Variants in SAE1 observed in about 807,000 individuals in gnomAD.
SAE1 encodes SUMO1 activating enzyme subunit 1, also known as SUMO-activating enzyme subunit 1.
In SAE1, 11 loss-of-function variants were observed where a neutral mutation model predicts 40.6. The observed-to-expected ratio is 0.27, with a 90% CI of 0.17 to 0.45. The LOEUF (loss-of-function observed/expected upper bound fraction) is 0.45. Among genes scored for constraint, SAE1 ranks in the 20% least tolerant of loss-of-function variants. SAE1 has a pLI of 1.00. For missense variants in SAE1, 373 were observed against 427.3 expected (o/e 0.87, Z 1.12); for synonymous variants, 155 against 154.3 (o/e 1.00, Z -0.03).
chr19:47,203,727 A>G lies in SAE1; in HGVS notation c.935A>G (p.Gln312Arg), dbSNP rs778873170. 2 of 1,614,060 alleles carry G rather than the reference A, an allele frequency of 1.2e-6. No homozygotes were observed. The highest frequency in any genetic ancestry group is 1.7e-6 in the Non-Finnish European group (2 of 1,179,932). The change falls in exon 8 of 9, where the codon CAG becomes CGG. Residue 312 changes from glutamine to arginine, a missense_variant. Around this residue, in one of 3 missense-constraint regions of SAE1, gnomAD observed 351 missense variants for 390.6 expected, o/e 0.90. Transcript: ENST00000270225. ...GCGGTGGTTGGAGGGATTTTGGCAC[A>G]GGAAATTGTGAAGGTAAAACATCAC... ...VCAVVGGILA[Q>R]EIVKALSQRD...
At chr19:47,143,309 T>C (rs2058233698) in intron 1 of SAE1, among the ~76,000 whole-genome samples, 185 bp from the exon 2 acceptor site, 1 of 152,156 alleles carries the variant, frequency 6.6e-6, no homozygotes, top group African/African-American at 2.4e-5. Context: ...TTCACCGTGT[T>C]GGTCAGGCTG....
At chr19:47,202,679 C>T (rs746546255) in intron 7 of SAE1, among the ~76,000 whole-genome samples, 21 of 150,134 alleles carry the variant, frequency 1.4e-4, no homozygotes, top group Non-Finnish European at 4.4e-5. Context: ...TTTGGGAGGC[C>T]GAGGCGGGCG....
intron 6 of SAE1, among the ~76,000 whole-genome samples, chr19:47,190,346 T>A: frequency 9.4e-6 from 1 of 106,870 alleles, no homozygotes; most frequent in East Asian, 4.7e-4. Context: ...AACAGTGGTA[T>A]GTGTGCGTGT....
intron 6 of SAE1, among the ~76,000 whole-genome samples, chr19:47,184,432 T>C (rs2123284373): frequency 6.6e-6 from 1 of 152,262 alleles, no homozygotes; most frequent in African/African-American, 2.4e-5. Context: ...GTTTTTTAGA[T>C]GGAGTCTTGC....
intron 6 of SAE1, among the ~76,000 whole-genome samples, chr19:47,178,861 G>C (rs2058486570): frequency 6.6e-6 from 1 of 152,142 alleles, no homozygotes; most frequent in South Asian, 2.1e-4. Flanking sequence ...AACCCAAGTA[G>C]CTGTTCAATA....
intron 6 of SAE1, among the ~76,000 whole-genome samples, chr19:47,182,507 ACGCG>A (rs1308937901): frequency 9.4e-5 from 13 of 137,590 alleles, no homozygotes; most frequent in Admixed American, 5.5e-4. Flanking sequence ...GCGCGCACGC[ACGCG>A]CGCGCGCACA....
chr19:47,139,320 G>A (rs769669563), intron 1 of SAE1, among the ~76,000 whole-genome samples: 2 of 152,122 alleles, frequency 1.3e-5, no homozygotes, highest in Non-Finnish European at 2.9e-5. Flanking sequence ...GGGATTACAG[G>A]CGTGAGTCGC....
At chr19:47,182,647 A>T (rs1207957514) in intron 6 of SAE1, among the ~76,000 whole-genome samples, 1 of 152,144 alleles carries the variant, frequency 6.6e-6, no homozygotes, top group Non-Finnish European at 1.5e-5. Flanking sequence ...TCAGTGCCTT[A>T]CAGCAGAGAG....
At chr19:47,197,466 A>G (rs938938070) in intron 7 of SAE1, 89 bp downstream of exon 7, 2 of 1,216,496 alleles carry the variant, frequency 1.6e-6, no homozygotes, top group African/African-American at 3.1e-5. Context: ...TTTTATTAGA[A>G]ACCCTTCAGA....
Position 47,197,349 on chromosome 19 carries a change from C to A in SAE1, c.850C>A (p.Pro284Thr). The change falls in exon 7 of 9, where the codon CCT (proline) becomes ACT (threonine). Residue 284 changes from proline (P) to threonine (T), a missense_variant. By Grantham distance (38) the Pro-to-Thr change is conservative. Around this residue, in one of 3 missense-constraint regions of SAE1, gnomAD observed 351 missense variants for 390.6 expected, o/e 0.90. Transcript: ENST00000270225. ...NDVLDSLGIS[P>T]DLLPEDFVRY... ...TGTGCTTGACTCACTGGGTATTAGT[C>A]CTGACCTGCTTCCTGAGGACTTTGT... is the stretch of plus-strand genomic sequence containing the variant. 6.2e-7 allele frequency: 1 copy of A among 1,613,668 alleles called. No individual in the cohort carries two copies. Among genetic ancestry groups the A allele is most frequent in the Non-Finnish European group, 8.5e-7 (1 of 1,179,858 alleles).
chr19:47,202,689 G>A (rs545674017), intron 7 of SAE1, among the ~76,000 whole-genome samples: 7 of 151,160 alleles, frequency 4.6e-5, no homozygotes, highest in East Asian at 2.0e-4. Context: ...CGAGGCGGGC[G>A]GATCACGAGG....
chr19:47,144,286 A>G (rs2058241472), intron 2 of SAE1, among the ~76,000 whole-genome samples: 1 of 152,006 alleles, frequency 6.6e-6, no homozygotes, highest in South Asian at 2.1e-4. Context: ...GTGAGCTGAG[A>G]TGGCACCACT....
chr19:47,140,255 C>T (rs1279446014), intron 1 of SAE1, among the ~76,000 whole-genome samples: 3 of 151,662 alleles, frequency 2.0e-5, no homozygotes, highest in East Asian at 1.9e-4. Context: ...TACAGGCGCC[C>T]GCCACCATGC....
intron 5 of SAE1, among the ~76,000 whole-genome samples, chr19:47,156,342 G>A (rs1291129608): frequency 6.6e-6 from 1 of 151,664 alleles, no homozygotes; most frequent in African/African-American, 2.4e-5. Flanking sequence ...GCTGGGCAAG[G>A]TGGTGCGTTG....
chr19:47,154,052 A>G (rs1352414876), intron 4 of SAE1, among the ~76,000 whole-genome samples: 1 of 150,172 alleles, frequency 6.7e-6, no homozygotes, highest in African/African-American at 2.5e-5. Flanking sequence ...CGGCCTCCCA[A>G]AGTGCTGGGA....
At chr19:47,201,927 C>T (rs1489836498) in intron 7 of SAE1, among the ~76,000 whole-genome samples, 1 of 152,152 alleles carries the variant, frequency 6.6e-6, no homozygotes, top group Admixed American at 6.6e-5. Flanking sequence ...GCCACCGCAC[C>T]CAGCCCTAGT....
At chr19:47,196,450 G>A (rs35368210) in intron 6 of SAE1, among the ~76,000 whole-genome samples, 78,658 of 146,916 alleles carry the variant, frequency 0.54, 20,964 homozygotes, top group South Asian at 0.71. Context: ...TGCAACTTCC[G>A]CCTGCTGGAT....
rs548334962 is a variant in SAE1 at position 47,130,854 on chromosome 19, C to T, written c.-77C>T. The T allele has an allele frequency of 2.2e-5, 34 of 1,541,770 alleles. No homozygotes were observed. In the East Asian group the frequency reaches 5.2e-4, roughly 23 times the overall value. The stretch of plus-strand genomic sequence containing the variant: ...AGAAGCACTCCGGGCGTGCTGCCGG[C>T]GGCGGTAGGTGGCGCGCGGGTCCGG... On this transcript the variant is annotated 5_prime_UTR_variant, in exon 1 of 9. Transcript: ENST00000270225.
intron 8 of SAE1, among the ~76,000 whole-genome samples, chr19:47,205,868 T>TGTGG (rs1251052610): frequency 1.3e-4 from 20 of 152,214 alleles, no homozygotes; most frequent in Admixed American, 1.3e-3. Context: ...GGTGCCAGGA[T>TGTGG]GTGGGCCCAG....
Sources: allele counts gnomAD v4.1 joint callset (sites outside exome capture counted in the v4.1 genomes callset), GRCh38; gene constraint gnomAD v4.1.1; regional missense constraint gnomAD v4.1.1; transcripts MANE v1.5; gene names NCBI Gene and HGNC (gene_info 2026-07-23, HGNC 2026-07-21).